Variants in IL1R2 observed in about 807,000 individuals in gnomAD.
IL1R2 encodes interleukin 1 receptor type 2.
In IL1R2, 46 loss-of-function variants were observed where a neutral mutation model predicts 39.5. The ratio of observed to expected loss-of-function variants is 1.16; its 90% CI spans 0.92 to 1.49. The LOEUF is 1.49. IL1R2 is among the 40% of genes most tolerant of loss of function. IL1R2 has a pLI of 0.00. For synonymous variants in IL1R2, 207 were observed against 189.6 expected, an observed-to-expected ratio of 1.09 and a Z score of -0.75; for missense variants, 537 against 502.0, an observed-to-expected ratio of 1.07 and a Z score of -0.67.
intron 1 of IL1R2, among the ~76,000 whole-genome samples, chr2:102,002,881 T>A (rs899160018): frequency 7.9e-5 from 12 of 152,090 alleles, no homozygotes; most frequent in Non-Finnish European, 1.5e-4. Flanking sequence ...TGTCTGTGTC[T>A]GTGTCTCTGC....
At chr2:102,005,770 G>A (rs192809128) in intron 1 of IL1R2, among the ~76,000 whole-genome samples, 1 of 152,224 alleles carries the variant, frequency 6.6e-6, no homozygotes, top group South Asian at 2.1e-4. Context: ...AGGGCCATGT[G>A]CCCAGGTAAG....
At chr2:102,023,667 TG>T (rs1328337534) in intron 6 of IL1R2, 7 of 151,386 alleles carry the variant, frequency 4.6e-5, no homozygotes, top group African/African-American at 1.7e-4. Context: ...TCTTTGTGAA[TG>T]AAAAAAAAAA....
chr2:102,022,123 C>A, intron 5 of IL1R2, 64 bp from the exon 6 acceptor site: 1 of 1,352,902 alleles, frequency 7.4e-7, no homozygotes, highest in Non-Finnish European at 1.1e-6. Flanking sequence ...CAAACAATGA[C>A]TTGAACCACA....
intron 5 of IL1R2, among the ~76,000 whole-genome samples, chr2:102,021,829 G>T: frequency 6.6e-6 from 1 of 152,192 alleles, no homozygotes; most frequent in East Asian, 1.9e-4. Flanking sequence ...GGTATTTTAG[G>T]TCAGGTCAAG....
intron 6 of IL1R2, 129 bp downstream of exon 6, chr2:102,022,378 CCTTA>C: frequency 1.3e-6 from 1 of 741,544 alleles, no homozygotes; most frequent in South Asian, 1.5e-5. Context: ...TGGGTGGAGA[CCTTA>C]GAACTCCAGT....
chr2:102,023,894 A>G (rs1332535239), intron 6 of IL1R2, among the ~76,000 whole-genome samples: 1 of 151,754 alleles, frequency 6.6e-6, no homozygotes, highest in Non-Finnish European at 1.5e-5. Flanking sequence ...AAAAAATACA[A>G]AAAAAATTAG....
chr2:102,000,659 G>T (rs1303490853), intron 1 of IL1R2, among the ~76,000 whole-genome samples: 1 of 152,170 alleles, frequency 6.6e-6, no homozygotes, highest in East Asian at 1.9e-4. Context: ...AGACTTAATG[G>T]CTTCTGGAGG....
rs946498756 is a variant in IL1R2 at position 102,028,401 on chromosome 2, G to A, written c.*9G>A. The A allele has an allele frequency of 1.3e-6, 2 of 1,574,992 alleles. No individual in the cohort carries two copies. The highest frequency in any genetic ancestry group is 1.4e-5 in the African/African-American group (1 of 74,006). On this transcript the variant is annotated 3_prime_UTR_variant, in exon 9 of 9. Coordinates refer to ENST00000332549, the MANE Select transcript of IL1R2 (RefSeq NM_004633.4). ...AATCCTATCCCAAGTGAAATAAATG[G>A]AATGAAATAATTCAAACACAAACTC...
chr2:102,013,740 G>A (rs1169246105), intron 3 of IL1R2, among the ~76,000 whole-genome samples: 1 of 152,142 alleles, frequency 6.6e-6, no homozygotes, highest in African/African-American at 2.4e-5. Context: ...GACTTAGGCT[G>A]AAGGAGCAGT....
chr2:102,015,190 T>C (rs3218896), intron 3 of IL1R2, among the ~76,000 whole-genome samples: 10,940 of 152,180 alleles, frequency 0.072, 576 homozygotes, highest in South Asian at 0.18. Flanking sequence ...TCCTGGATCA[T>C]GAAGTTGGAG....
At chr2:102,009,492 G>T in intron 2 of IL1R2, 70 bp from the exon 3 acceptor site, 1 of 1,517,770 alleles carries the variant, frequency 6.6e-7, no homozygotes, top group Non-Finnish European at 9.0e-7. Flanking sequence ...TCAGTCCCAG[G>T]TGCAGGGAGG....
At chr2:102,004,492 CAAA>C (rs34596104) in intron 1 of IL1R2, among the ~76,000 whole-genome samples, 116 of 99,304 alleles carry the variant, frequency 1.2e-3, no homozygotes, top group South Asian at 3.3e-3. Flanking sequence ...GGTTATTTGA[CAAA>C]AAAAAAAAAA....
chr2:102,001,860 C>T (rs1209487060), intron 1 of IL1R2: 2 of 152,104 alleles, frequency 1.3e-5, no homozygotes, highest in Non-Finnish European at 2.9e-5. Context: ...TGTTCGGGCT[C>T]CTAGGAATTC....
chr2:102,017,082 CATATT>C (rs1160060585), intron 4 of IL1R2, among the ~76,000 whole-genome samples: 1 of 152,044 alleles, frequency 6.6e-6, no homozygotes. Context: ...ATTTTATAGA[CATATT>C]AAAGGAGTTT....
At chr2:102,014,236 C>A (rs1389059944) in intron 3 of IL1R2, among the ~76,000 whole-genome samples, 1 of 152,224 alleles carries the variant, frequency 6.6e-6, no homozygotes, top group Non-Finnish European at 1.5e-5. Flanking sequence ...CTCTTTGTAG[C>A]TGTACAGCCC....
intron 8 of IL1R2, 76 bp downstream of exon 8, chr2:102,026,329 T>C (rs941023806): frequency 1.8e-5 from 20 of 1,117,750 alleles, no homozygotes; most frequent in African/African-American, 1.7e-4. Context: ...ACAAATCTAC[T>C]TGTTCTCCAA....
At chr2:102,005,539 C>T (rs1432281207) in intron 1 of IL1R2, among the ~76,000 whole-genome samples, 2 of 152,218 alleles carry the variant, frequency 1.3e-5, no homozygotes, top group Admixed American at 6.5e-5. Context: ...TCAGGTTCCC[C>T]TCTTACTGCC....
In IL1R2 at chr2:102,008,581, G is replaced by C. The variant is rs1577699333; in HGVS notation, c.6G>C (p.Leu2Phe). ...TCTGGAAGTTGTCAGGAGCAATGTT[G>C]CGCTTGTACGTGTTGGTAATGGGAG... The part of the protein sequence containing the change: M[L>F]RLYVLVMGVS... Residue 2 changes from leucine (L) to phenylalanine (F), a missense_variant, in exon 2 of 9, where the codon TTG becomes TTC. Transcript: ENST00000332549. 6.2e-7 allele frequency: 1 copy of C among 1,614,068 alleles called. No individual in the cohort carries two copies.
intron 1 of IL1R2, among the ~76,000 whole-genome samples, chr2:102,001,342 G>A (rs990869286): frequency 2.6e-5 from 4 of 152,172 alleles, no homozygotes; most frequent in East Asian, 1.9e-4. Flanking sequence ...AGTTTCTGCC[G>A]ATTTGCTCCT....
Sources: gnomAD v4.1 joint callset for allele counts (sites outside exome capture counted in the v4.1 genomes callset) on GRCh38, gnomAD v4.1.1 for gene constraint, MANE v1.5 for transcripts, NCBI Gene and HGNC (gene_info 2026-07-23, HGNC 2026-07-21) for gene names.